The following CTNNA2 variants were observed in gnomAD, a reference collection of about 807,000 sequenced individuals.
CTNNA2 encodes the protein catenin alpha 2.
A neutral mutation model predicts 101.0 loss-of-function variants in CTNNA2; 42 were observed. The observed-to-expected ratio is 0.42, with a 90% CI of 0.32 to 0.54. The LOEUF is 0.54. Among genes scored for constraint, CTNNA2 ranks in the 20% least tolerant of loss-of-function variants. The pLI is 0.14. For missense variants in CTNNA2, 871 were observed against 1,223.1 expected, an observed-to-expected ratio of 0.71 and a Z score of 4.29; for synonymous variants, 450 against 456.4, an observed-to-expected ratio of 0.99 and a Z score of 0.18.
chr2:80,314,434 C>T (rs992582734), intron 7 of CTNNA2, among the ~76,000 whole-genome samples: 10 of 152,112 alleles, frequency 6.6e-5, no homozygotes, highest in African/African-American at 9.7e-5. Flanking sequence ...AAGTAGAGAT[C>T]GCCTCAATAG....
intron 1 of CTNNA2, among the ~76,000 whole-genome samples, chr2:79,559,868 G>A (rs1012133718): frequency 6.6e-6 from 1 of 151,806 alleles, no homozygotes; most frequent in African/African-American, 2.4e-5. Flanking sequence ...TGCCAGGCTA[G>A]TGATAATAAA....
chr2:80,631,890 T>G (rs975314413), intron 18 of CTNNA2, among the ~76,000 whole-genome samples: 1 of 152,112 alleles, frequency 6.6e-6, no homozygotes, highest in Non-Finnish European at 1.5e-5. Flanking sequence ...TTTGTTGTTG[T>G]TGTTGTTGAG....
chr2:80,338,301 TC>T (rs375477222), intron 7 of CTNNA2, among the ~76,000 whole-genome samples: 38 of 132,830 alleles, frequency 2.9e-4, no homozygotes, highest in African/African-American at 9.7e-4. Flanking sequence ...TTTTTCTTTT[TC>T]TTTTTTTTTT....
chr2:79,791,198 T>G (rs1239319711), intron 3 of CTNNA2, among the ~76,000 whole-genome samples: 1 of 152,164 alleles, frequency 6.6e-6, no homozygotes, highest in Non-Finnish European at 1.5e-5. Flanking sequence ...CCATTCAAGA[T>G]CTGTTCAATG....
At chr2:80,628,751 C>T (rs1671963023) in intron 18 of CTNNA2, among the ~76,000 whole-genome samples, 1 of 151,942 alleles carries the variant, frequency 6.6e-6, no homozygotes, top group Non-Finnish European at 1.5e-5. Context: ...GGCTTTGTTT[C>T]CCAGTAGCCT....
chr2:80,060,356 C>T (rs942092305), intron 7 of CTNNA2, among the ~76,000 whole-genome samples: 8 of 152,190 alleles, frequency 5.3e-5, no homozygotes, highest in South Asian at 2.1e-4. Context: ...GAGGTGGCAG[C>T]GGTTCTGGCG....
intron 8 of CTNNA2, among the ~76,000 whole-genome samples, chr2:80,416,973 T>C (rs1680097926): frequency 6.6e-6 from 1 of 152,000 alleles, no homozygotes; most frequent in Non-Finnish European, 1.5e-5. Context: ...ATCTATTTTT[T>C]CCTGTATAAA....
chr2:80,647,520 A>C, intron 18 of CTNNA2, 65 bp from the exon 19 acceptor site: 1 of 1,298,550 alleles, frequency 7.7e-7, no homozygotes, highest in Non-Finnish European at 1.1e-6. Flanking sequence ...GTGAAAGTAC[A>C]TCACCATTTT....
chr2:80,159,696 A>G (rs1704195435), intron 7 of CTNNA2, among the ~76,000 whole-genome samples: 1 of 151,728 alleles, frequency 6.6e-6, no homozygotes. Context: ...CTGGTCTCGA[A>G]CTCCTGACCT....
intron 7 of CTNNA2, among the ~76,000 whole-genome samples, chr2:80,338,895 A>G (rs1036363095): frequency 2.0e-5 from 3 of 152,194 alleles, no homozygotes; most frequent in African/African-American, 4.8e-5. Context: ...CAACAAAGGA[A>G]CAAATTTAAA....
intron 2 of CTNNA2, among the ~76,000 whole-genome samples, chr2:79,686,353 A>C (rs556853138): frequency 6.6e-6 from 1 of 152,302 alleles, no homozygotes; most frequent in East Asian, 1.9e-4. Flanking sequence ...TGGCCGAAGG[A>C]GGAAGGCACA....
At chr2:80,023,260 G>A (rs1362494980) in intron 7 of CTNNA2, among the ~76,000 whole-genome samples, 1 of 152,210 alleles carries the variant, frequency 6.6e-6, no homozygotes, top group Non-Finnish European at 1.5e-5. Flanking sequence ...TTCTGAGTGA[G>A]CATTAGTGCG....
chr2:79,317,680 T>A (rs1676528494), intron 3 of CTNNA2, among the ~76,000 whole-genome samples: 1 of 152,116 alleles, frequency 6.6e-6, no homozygotes, highest in African/African-American at 2.4e-5. Context: ...ATTTCATATA[T>A]TTGGTTGGAA....
At chr2:79,227,389 A>G (rs1333491557) in intron 2 of CTNNA2, among the ~76,000 whole-genome samples, 2 of 152,178 alleles carry the variant, frequency 1.3e-5, no homozygotes, top group Non-Finnish European at 2.9e-5. Context: ...GTATGCCATT[A>G]TCTATGCAAT....
At chr2:79,972,738 G>C (rs760714225) in intron 7 of CTNNA2, among the ~76,000 whole-genome samples, 34 of 152,132 alleles carry the variant, frequency 2.2e-4, no homozygotes, top group Non-Finnish European at 4.4e-4. Context: ...TTCAGGTTTT[G>C]TTTCCAAAAT....
At position 80,647,613 on chromosome 2, in the gene CTNNA2, C is replaced by G. The variant is rs1454895018; in HGVS notation, c.2603C>G (p.Ala868Gly). ...MLDSATSLIQ[A>G]AKNLMNAVVL... The stretch of plus-strand genomic sequence containing the variant: ...GACAGTGCCACATCGCTTATCCAGG[C>G]AGCTAAAAACCTGATGAATGCTGTT... The change falls in exon 19 of 19, where the codon GCA becomes GGA. Residue 868 changes from alanine to glycine, a missense_variant. Physicochemically the swap from Ala to Gly is moderately conservative, Grantham distance 60. This residue lies in a region of CTNNA2 where 25 missense variants were observed against 69.5 expected (regional missense o/e 0.36). Coordinates refer to ENST00000402739, the MANE Select transcript of CTNNA2 (RefSeq NM_001282597.3). 6.2e-7 allele frequency: 1 copy of G among 1,612,772 alleles called. No individual in the cohort carries two copies.
chr2:80,409,947 C>T (rs1159036403), intron 8 of CTNNA2, among the ~76,000 whole-genome samples: 4 of 152,190 alleles, frequency 2.6e-5, no homozygotes, highest in South Asian at 2.1e-4. Context: ...AATATTTCTC[C>T]AGTAAAAGGA....
At chr2:80,510,214 A>T (rs538160784) in intron 9 of CTNNA2, among the ~76,000 whole-genome samples, 1 of 152,172 alleles carries the variant, frequency 6.6e-6, no homozygotes, top group Non-Finnish European at 1.5e-5. Context: ...ATTGATTTTT[A>T]TCACCAAACC....
rs200656588 is a variant in CTNNA2, at chr2:79,433,624, G to GA, written c.-135+59635dup. ...GATGAGCTCACTGTATGCCTTTGAG[G>GA]AAAAAAAAAAAAAAAAAAAAAAAAC... is the stretch of plus-strand genomic sequence containing the variant. On this transcript the variant is annotated intron_variant, in intron 4 of 21. Transcript: ENST00000466387. Among the ~76,000 whole-genome samples the GA allele has an allele frequency of 9.9e-3, 945 of 95,514 alleles. 8 individuals are homozygous for GA. The highest frequency in any genetic ancestry group is 0.015 in the Non-Finnish European group (729 of 49,594). 62.7% of individuals were successfully genotyped at this position (95,514 alleles called of 152,430 possible).
Sources: gnomAD v4.1 joint callset for allele counts (sites outside exome capture counted in the v4.1 genomes callset) on GRCh38, gnomAD v4.1.1 for gene constraint, gnomAD v4.1.1 regional missense constraint, MANE v1.5 for transcripts, NCBI Gene and HGNC (gene_info 2026-07-23, HGNC 2026-07-21) for gene names.